The following MACC1 variants were observed in gnomAD, a reference collection of about 807,000 sequenced individuals.
MACC1 encodes MET transcriptional regulator MACC1, also known as metastasis-associated in colon cancer protein 1.
MACC1 carries 79 observed loss-of-function variants against 70.7 expected under a neutral mutation model. The observed-to-expected ratio is 1.12, with a 90% CI of 0.93 to 1.35. MACC1 has a LOEUF of 1.35. Among genes scored for constraint, MACC1 ranks in the 40% most tolerant of loss-of-function variants. MACC1 has a pLI of 0.00. For synonymous variants in MACC1, 361 were observed against 347.2 expected (o/e 1.04, Z -0.44); for missense variants, 1,106 against 978.1 (o/e 1.13, Z -1.74).
At chr7:20,194,897 G>A (rs773148717) in intron 1 of MACC1, among the ~76,000 whole-genome samples, 1 of 152,152 alleles carries the variant, frequency 6.6e-6, no homozygotes, top group Non-Finnish European at 1.5e-5. Flanking sequence ...ATAGAGTGAT[G>A]GCTTAACACT....
chr7:20,193,555 A>G (rs1782703633), intron 1 of MACC1, among the ~76,000 whole-genome samples: 1 of 152,190 alleles, frequency 6.6e-6, no homozygotes, highest in Non-Finnish European at 1.5e-5. Context: ...GTTATAGACA[A>G]TGGTAAGTGA....
At position 20,159,865 on chromosome 7, in the gene MACC1, G is replaced by C. The variant is rs1405986861; in HGVS notation, c.496C>G (p.His166Asp). The change falls in exon 5 of 7, where the codon CAC becomes GAC. Residue 166 changes from histidine to aspartate, a missense_variant. Coordinates refer to ENST00000400331, the MANE Select transcript of MACC1 (RefSeq NM_182762.4). ...TCATTTTTAAGCCACTCTAAGTCGTGTAGTAGGATCTGGTCAGAGTTATGT... is the reference window on the plus strand; with the variant it reads ...TCATTTTTAAGCCACTCTAAGTCGTCTAGTAGGATCTGGTCAGAGTTATGT... Reference protein sequence around the residue: ...SIHNSDQILLHDLEWLKNDRE... With the variant: ...SIHNSDQILLDDLEWLKNDRE... The C allele has an allele frequency of 3.1e-6, 5 of 1,614,036 alleles. No homozygotes were observed. The African/African-American group carries it at 6.7e-5, about 22-fold the overall frequency.
chr7:20,206,932 T>G (rs1167515551), intron 1 of MACC1, among the ~76,000 whole-genome samples: 1 of 152,228 alleles, frequency 6.6e-6, no homozygotes, highest in Non-Finnish European at 1.5e-5. Context: ...CATGAACTTC[T>G]ACAAAATTAG....
At chr7:20,151,165 A>G (rs965914907) in intron 6 of MACC1, among the ~76,000 whole-genome samples, 2 of 152,166 alleles carry the variant, frequency 1.3e-5, no homozygotes, top group African/African-American at 2.4e-5. Flanking sequence ...AAGGGGGCCA[A>G]TGAGGGAGCC....
chr7:20,135,967 A>G lies in MACC1; in HGVS notation c.*4979T>C, dbSNP rs147741346. The G allele has an allele frequency of 2.0e-5, 3 of 152,362 alleles. No individual in the cohort carries two copies. Among genetic ancestry groups the G allele is most frequent in the Admixed American group, 2.0e-4 (3 of 15,304 alleles). The allele number at this position is 152,362 out of a possible 1,614,324, so 9.4% of individuals were successfully genotyped here. ...ATGTGCTATGCCTTACACATAGAGG[A>G]CACAATTTTAATGTGGATAATTGGT... On this transcript the variant is annotated 3_prime_UTR_variant, in exon 7 of 7. Transcript: ENST00000400331.
chr7:20,189,210 G>A (rs556236199), intron 1 of MACC1, among the ~76,000 whole-genome samples: 6 of 151,854 alleles, frequency 4.0e-5, no homozygotes, highest in South Asian at 4.2e-4. Flanking sequence ...ACTTCTCATT[G>A]TACTTCTCTG....
At chr7:20,211,851 T>C (rs550551039) in intron 1 of MACC1, among the ~76,000 whole-genome samples, 1 of 152,310 alleles carries the variant, frequency 6.6e-6, no homozygotes, top group East Asian at 1.9e-4. Flanking sequence ...CAAAATGCCA[T>C]ACAGCCATGA....
chr7:20,189,558 T>TA (rs771775182), intron 1 of MACC1, among the ~76,000 whole-genome samples: 3 of 152,176 alleles, frequency 2.0e-5, no homozygotes, highest in Non-Finnish European at 2.9e-5. Context: ...AGTTCAAATG[T>TA]GATATATACA....
At chr7:20,210,309 T>C (rs1782976966) in intron 1 of MACC1, among the ~76,000 whole-genome samples, 1 of 152,194 alleles carries the variant, frequency 6.6e-6, no homozygotes, top group African/African-American at 2.4e-5. Flanking sequence ...TTCCACTGTC[T>C]CCCTCTCCCT....
intron 2 of MACC1, among the ~76,000 whole-genome samples, chr7:20,165,867 C>A (rs540494816): frequency 6.6e-6 from 1 of 152,196 alleles, no homozygotes; most frequent in South Asian, 2.1e-4. Context: ...AAGAAACCAA[C>A]AAAGTTTTGC....
intron 1 of MACC1, among the ~76,000 whole-genome samples, chr7:20,178,662 C>G (rs112089024): frequency 6.6e-6 from 1 of 152,172 alleles, no homozygotes; most frequent in East Asian, 1.9e-4. Flanking sequence ...TGCAAAGGCG[C>G]GATCTCGGCT....
At chr7:20,208,137 C>G (rs1246302008) in intron 1 of MACC1, among the ~76,000 whole-genome samples, 1 of 152,172 alleles carries the variant, frequency 6.6e-6, no homozygotes, top group Non-Finnish European at 1.5e-5. Context: ...AACTGTGAGT[C>G]AATTAAACCT....
intron 1 of MACC1, among the ~76,000 whole-genome samples, chr7:20,178,990 AT>A (rs148573653): frequency 0.026 from 3,879 of 151,766 alleles, 182 homozygotes; most frequent in African/African-American, 0.089. Context: ...CTTTCTCTGG[AT>A]TTTTTTTCTG....
At chr7:20,151,188 T>C (rs1242167738) in intron 6 of MACC1, among the ~76,000 whole-genome samples, 3 of 152,184 alleles carry the variant, frequency 2.0e-5, no homozygotes, top group Non-Finnish European at 4.4e-5. Context: ...AGAAAAAGTA[T>C]TGTCATTTGT....
Position 20,201,298 on chromosome 7 carries a change from G to C in MACC1, c.-218+16001C>G, listed in dbSNP as rs118079591. On this transcript the variant is annotated intron_variant, in intron 1 of 6. Transcript: ENST00000400331. ...TGGGTTCTGAAGGTTGAGCTATCTG[G>C]GTTCAAATGCTAGCTCCACAGTGAA... Among the ~76,000 whole-genome samples, 1,060 of 152,306 alleles carry C rather than the reference G, an allele frequency of 7.0e-3. 27 individuals are homozygous for C. The highest frequency in any genetic ancestry group is 0.038 in the Admixed American group (576 of 15,296).
At chr7:20,216,999 CAT>C (rs1783080387) in intron 1 of MACC1, among the ~76,000 whole-genome samples, 2 of 152,156 alleles carry the variant, frequency 1.3e-5, no homozygotes, top group Non-Finnish European at 1.5e-5. Flanking sequence ...TTAAGCAACT[CAT>C]AGAGTGTTTT....
intron 1 of MACC1, among the ~76,000 whole-genome samples, chr7:20,199,616 T>C (rs768839200): frequency 6.6e-6 from 1 of 152,074 alleles, no homozygotes; most frequent in African/African-American, 2.4e-5. Context: ...AATGACAGAA[T>C]AAGGAAGTCT....
chr7:20,172,533 G>A (rs533478762), intron 1 of MACC1, among the ~76,000 whole-genome samples: 100 of 151,924 alleles, frequency 6.6e-4, no homozygotes, highest in African/African-American at 2.3e-3. Flanking sequence ...GAGCTATATA[G>A]GAATGACTTT....
At chr7:20,172,146 C>T (rs1346302272) in intron 1 of MACC1, among the ~76,000 whole-genome samples, 1 of 152,184 alleles carries the variant, frequency 6.6e-6, no homozygotes. Flanking sequence ...ATTCAGGAAA[C>T]ATTTATAGTG....
Sources: gnomAD v4.1 joint callset for allele counts (sites outside exome capture counted in the v4.1 genomes callset) on GRCh38, gnomAD v4.1.1 for gene constraint, MANE v1.5 for transcripts, NCBI Gene and HGNC (gene_info 2026-07-23, HGNC 2026-07-21) for gene names.